The following CDH18 variants were observed in gnomAD, a reference collection of about 807,000 sequenced individuals.
The protein encoded by CDH18 is cadherin 18, also known as cadherin-18.
Under a neutral mutation model 67.9 loss-of-function variants are expected in CDH18, and 31 were observed. The observed-to-expected ratio is 0.46, with a 90% CI of 0.34 to 0.62. The LOEUF is 0.62. Among genes scored for constraint, CDH18 ranks in the 20% least tolerant of loss-of-function variants. The pLI is 0.01. For synonymous variants in CDH18, 362 were observed against 347.2 expected (o/e 1.04, Z -0.48); for missense variants, 890 against 975.5 (o/e 0.91, Z 1.17).
At chr5:20,071,594 T>C (rs1273012610) in intron 2 of CDH18, among the ~76,000 whole-genome samples, 1 of 152,098 alleles carries the variant, frequency 6.6e-6, no homozygotes, top group African/African-American at 2.4e-5. Flanking sequence ...TGAATTATGA[T>C]AAAATATAAC....
At position 20,305,251 on chromosome 5, in the gene CDH18, GA is replaced by G. The variant is rs1269151916; in HGVS notation, c.-579-49747del. On this transcript the variant is annotated intron_variant, in intron 1 of 14. Coordinates refer to the CDH18 transcript ENST00000507958. ...AAATCCAGGAAACCGTCCTCCTCCAGAAGGTACCACTAAACCTTTAAAACTT... is the reference window on the plus strand; with the variant it reads ...AAATCCAGGAAACCGTCCTCCTCCAGAGGTACCACTAAACCTTTAAAACTT... The G allele has an allele frequency of 4.0e-5, 56 of 1,382,926 alleles. 1 individual carries two copies. The South Asian group carries it at 5.5e-4, about 13-fold the overall frequency. 85.7% of individuals were successfully genotyped at this position (1,382,926 alleles called of 1,614,324 possible).
intron 1 of CDH18, among the ~76,000 whole-genome samples, chr5:20,539,899 T>A (rs1756958772): frequency 6.6e-6 from 1 of 152,292 alleles, no homozygotes; most frequent in African/African-American, 2.4e-5. Flanking sequence ...AGAGAAGTTA[T>A]TTAACTTATT....
chr5:20,562,400 T>A lies in CDH18; in HGVS notation c.-580+13062A>T, dbSNP rs1020193779. 7.2e-5 allele frequency among the ~76,000 whole-genome samples: 11 copies of A among 151,800 alleles called. No homozygotes were observed. In the South Asian group the frequency reaches 2.1e-3, roughly 29 times the overall value. ...TTTGAGAAAACATTTCAAGGCAACC[T>A]TATGTACCTATGTTACTAAGCAAAA... On this transcript the variant is annotated intron_variant, in intron 1 of 14. Coordinates refer to the CDH18 transcript ENST00000507958.
At chr5:19,579,598 T>A (rs1034445396) in intron 7 of CDH18, among the ~76,000 whole-genome samples, 4 of 151,870 alleles carry the variant, frequency 2.6e-5, no homozygotes, top group Admixed American at 6.6e-5. Context: ...TAACTTTTAA[T>A]TTTTGTTTAC....
At chr5:19,665,002 T>C (rs1757717235) in intron 5 of CDH18, among the ~76,000 whole-genome samples, 1 of 151,936 alleles carries the variant, frequency 6.6e-6, no homozygotes, top group East Asian at 1.9e-4. Context: ...CTTCCACACA[T>C]AGACAGCAAT....
intron 2 of CDH18, among the ~76,000 whole-genome samples, chr5:19,897,263 T>C (rs1789449035): frequency 6.6e-6 from 1 of 152,008 alleles, no homozygotes; most frequent in Non-Finnish European, 1.5e-5. Flanking sequence ...ATGGGCAAAA[T>C]GTTTAAACCG....
At chr5:19,878,517 G>T (rs1230285384) in intron 2 of CDH18, among the ~76,000 whole-genome samples, 1 of 151,994 alleles carries the variant, frequency 6.6e-6, no homozygotes, top group Non-Finnish European at 1.5e-5. Flanking sequence ...TTATTTCTGT[G>T]GCTGATGGAA....
chr5:20,187,243 T>C (rs900361092), intron 2 of CDH18, among the ~76,000 whole-genome samples: 5 of 151,978 alleles, frequency 3.3e-5, no homozygotes, highest in Admixed American at 6.6e-5. Context: ...TAAATGTACA[T>C]ATGGCCATAG....
chr5:20,319,354 A>G (rs1362811840), intron 1 of CDH18, among the ~76,000 whole-genome samples: 1 of 152,002 alleles, frequency 6.6e-6, no homozygotes, highest in Non-Finnish European at 1.5e-5. Context: ...TCTCCCCTCT[A>G]TACCTTTTTG....
chr5:19,883,345 G>A (rs560937045), intron 2 of CDH18, among the ~76,000 whole-genome samples: 27 of 152,124 alleles, frequency 1.8e-4, no homozygotes, highest in African/African-American at 6.5e-4. Flanking sequence ...TAGCACTCAA[G>A]TCACTGACGA....
At chr5:20,520,254 T>C (rs1755665740) in intron 1 of CDH18, among the ~76,000 whole-genome samples, 1 of 152,128 alleles carries the variant, frequency 6.6e-6, no homozygotes, top group Admixed American at 6.6e-5. Flanking sequence ...GAAATGTTTC[T>C]ATAATTTCTG....
At chr5:19,732,109 T>G (rs1421905942) in intron 4 of CDH18, among the ~76,000 whole-genome samples, 1 of 150,844 alleles carries the variant, frequency 6.6e-6, no homozygotes, top group East Asian at 2.0e-4. Flanking sequence ...AAAAAAAAAT[T>G]AATGCATTTT....
At chr5:20,134,326 T>G (rs1749520239) in intron 2 of CDH18, among the ~76,000 whole-genome samples, 1 of 152,134 alleles carries the variant, frequency 6.6e-6, no homozygotes, top group Non-Finnish European at 1.5e-5. Flanking sequence ...CTTTTATTCT[T>G]TTTGCTATTT....
At chr5:20,298,010 C>G (rs1273950660) in intron 1 of CDH18, among the ~76,000 whole-genome samples, 1 of 152,028 alleles carries the variant, frequency 6.6e-6, no homozygotes, top group Non-Finnish European at 1.5e-5. Context: ...TTATACCCCC[C>G]ATTATTCTAT....
chr5:20,282,234 G>T (rs1207392678), intron 1 of CDH18, among the ~76,000 whole-genome samples: 2 of 152,116 alleles, frequency 1.3e-5, no homozygotes, highest in Non-Finnish European at 2.9e-5. Flanking sequence ...GCCCTGGCCA[G>T]AACTTCCAAC....
At chr5:19,572,432 TG>T (rs958811814) in intron 7 of CDH18, among the ~76,000 whole-genome samples, 1 of 152,218 alleles carries the variant, frequency 6.6e-6, no homozygotes, top group African/African-American at 2.4e-5. Flanking sequence ...TGTCTTTTTT[TG>T]GCAGGAACAG....
intron 2 of CDH18, among the ~76,000 whole-genome samples, chr5:19,844,988 T>A (rs1044694342): frequency 6.6e-6 from 1 of 152,150 alleles, no homozygotes; most frequent in Non-Finnish European, 1.5e-5. Context: ...AAATTATACA[T>A]ATACTGTACA....
chr5:20,379,595 T>A (rs912265032), intron 1 of CDH18, among the ~76,000 whole-genome samples: 4 of 152,054 alleles, frequency 2.6e-5, no homozygotes, highest in Admixed American at 2.0e-4. Context: ...AGTTAATATG[T>A]GATGAAAAAT....
intron 2 of CDH18, among the ~76,000 whole-genome samples, chr5:19,842,736 A>G (rs1782476595): frequency 6.6e-6 from 1 of 152,196 alleles, no homozygotes; most frequent in Non-Finnish European, 1.5e-5. Flanking sequence ...AGAAGAAAAT[A>G]GGAAGATGTG....
Sources: gnomAD v4.1 joint callset for allele counts (sites outside exome capture counted in the v4.1 genomes callset) on GRCh38, gnomAD v4.1.1 for gene constraint, MANE v1.5 for transcripts, NCBI Gene and HGNC (gene_info 2026-07-23, HGNC 2026-07-21) for gene names.